Variants in CCDC180 observed in about 807,000 individuals in gnomAD.
CCDC180 encodes coiled-coil domain-containing protein 180.
In CCDC180, 154 loss-of-function variants were observed where a neutral mutation model predicts 209.2. The observed-to-expected ratio is 0.74, with a 90% CI of 0.65 to 0.84. The LOEUF is 0.84. CCDC180 is among the 40% of genes least tolerant of loss of function. The pLI, the probability that CCDC180 is intolerant of heterozygous loss-of-function variation, is 0.00. For synonymous variants in CCDC180, 778 were observed against 749.1 expected, an observed-to-expected ratio of 1.04 and a Z score of -0.63; for missense variants, 1,874 against 1,997.3, an observed-to-expected ratio of 0.94 and a Z score of 1.18.
chr9:97,314,954 GT>G lies in CCDC180; in HGVS notation c.795+12del. The G allele has an allele frequency of 6.2e-7, 1 of 1,610,652 alleles. No homozygotes were observed. The highest frequency in any genetic ancestry group is 8.5e-7 in the Non-Finnish European group (1 of 1,176,980). ...ATAAATGAAGAAGCCATGGTGAGTG[GT>G]TTTCCTGTGCAGGGATCAGCCCATG... is the stretch of plus-strand genomic sequence containing the variant. On this transcript the variant is annotated intron_variant, in intron 8 of 36. Transcript: ENST00000529487.
chr9:97,329,035 A>C (rs1825648658), intron 16 of CCDC180, among the ~76,000 whole-genome samples: 1 of 152,118 alleles, frequency 6.6e-6, no homozygotes, highest in South Asian at 2.1e-4. Flanking sequence ...CCTGAATGGA[A>C]ATACTCATGG....
At chr9:97,351,314 T>C (rs896701346) in intron 22 of CCDC180, among the ~76,000 whole-genome samples, 1 of 152,208 alleles carries the variant, frequency 6.6e-6, no homozygotes. Flanking sequence ...TCACCAACGC[T>C]TGTACTTTCT....
Position 97,308,086 on chromosome 9 carries a change from C to T in CCDC180, c.23C>T (p.Thr8Ile), listed in dbSNP as rs1277980227. The stretch of plus-strand genomic sequence containing the variant: ...AAGATGTCGTCAGTGGGGAAGGTGA[C>T]CCAGGTTCCGAATGGGAAAGCCTAC... MSSVGKV[T>I]QVPNGKAYQQ... Residue 8 changes from threonine (T) to isoleucine (I), a missense_variant, in exon 2 of 37, where the codon ACC becomes ATC. Physicochemically the swap from Thr to Ile is moderately conservative, Grantham distance 89. Coordinates refer to ENST00000529487, the MANE Select transcript of CCDC180 (RefSeq NM_020893.6). 2.5e-6 allele frequency: 4 copies of T among 1,613,064 alleles called. No homozygotes were observed. Among genetic ancestry groups the T allele is most frequent in the Admixed American group, 1.7e-5 (1 of 59,720 alleles).
At chr9:97,375,724 G>A in intron 36 of CCDC180, 135 bp downstream of exon 36, 2 of 1,038,760 alleles carry the variant, frequency 1.9e-6, no homozygotes, top group South Asian at 3.1e-5. Flanking sequence ...ACACCCCAGA[G>A]CTGCAGGTCT....
chr9:97,372,639 C>G (rs557197998), intron 34 of CCDC180: 1 of 152,294 alleles, frequency 6.6e-6, no homozygotes, highest in African/African-American at 2.4e-5. Flanking sequence ...GTGGGTGGAT[C>G]TCTTGAGCCC....
chr9:97,349,508 C>A (rs1035958089), intron 21 of CCDC180, among the ~76,000 whole-genome samples: 2 of 152,200 alleles, frequency 1.3e-5, no homozygotes, highest in Non-Finnish European at 2.9e-5. Context: ...AAAGTATATG[C>A]ACAGGCAGCA....
intron 18 of CCDC180, among the ~76,000 whole-genome samples, chr9:97,340,243 C>A (rs780759810): frequency 6.6e-6 from 1 of 152,090 alleles, no homozygotes; most frequent in Non-Finnish European, 1.5e-5. Flanking sequence ...AAGGGGCGCT[C>A]GGGTTTTTAG....
At chr9:97,345,602 G>A (rs10122063) in intron 19 of CCDC180, 213,269 of 415,640 alleles carry the variant, frequency 0.51, 57,760 homozygotes, top group African/African-American at 0.72. Context: ...TATATATTCT[G>A]TAGCCGGGCA....
At chr9:97,364,363 G>T in intron 29 of CCDC180, 1 of 482,256 alleles carries the variant, frequency 2.1e-6, no homozygotes, top group African/African-American at 2.0e-5. Context: ...AGCATTTCCT[G>T]GTGGTAGGGC....
At chr9:97,361,605 A>G in intron 26 of CCDC180, 121 bp from the exon 27 acceptor site, 1 of 871,640 alleles carries the variant, frequency 1.1e-6, no homozygotes, top group South Asian at 1.7e-5. Flanking sequence ...CAATGAGGTC[A>G]GCTAGCTTGC....
chr9:97,364,615 C>G (rs1554734036), intron 29 of CCDC180: 1 of 162,334 alleles, frequency 6.2e-6, no homozygotes, highest in Non-Finnish European at 1.3e-5. Flanking sequence ...GACAGCGGCC[C>G]CCTCTCATCA....
At chr9:97,323,040 C>A in intron 12 of CCDC180, 119 bp downstream of exon 12, 1 of 721,260 alleles carries the variant, frequency 1.4e-6, no homozygotes. Context: ...CACACCCACA[C>A]ACCCTTTAGC....
chr9:97,335,426 G>C (rs924087437), intron 18 of CCDC180, among the ~76,000 whole-genome samples: 6 of 152,100 alleles, frequency 3.9e-5, no homozygotes, highest in Non-Finnish European at 7.3e-5. Flanking sequence ...AGAACATACA[G>C]TGTTTGGTTT....
At chr9:97,357,494 A>T in intron 24 of CCDC180, 133 bp from the exon 25 acceptor site, 1 of 704,182 alleles carries the variant, frequency 1.4e-6, no homozygotes, top group Non-Finnish European at 2.5e-6. Context: ...ATGTCTGGTA[A>T]AACTGCATAT....
chr9:97,358,210 C>T (rs556231632), intron 25 of CCDC180, among the ~76,000 whole-genome samples: 2 of 151,716 alleles, frequency 1.3e-5, no homozygotes, highest in East Asian at 3.9e-4. Flanking sequence ...CAACCTCTGC[C>T]TCCGGGTTCA....
chr9:97,319,991 T>C lies in CCDC180; in HGVS notation c.1080-135T>C. ...CATGTCATGTTTTGGCACCAGGAAA[T>C]CCCCAGCAGTTCCCTTTGTTCTTCA... On this transcript the variant is annotated intron_variant, in intron 10 of 36. Coordinates refer to ENST00000529487, the MANE Select transcript of CCDC180 (RefSeq NM_020893.6). 4.2e-6 allele frequency: 3 copies of C among 711,480 alleles called. No homozygotes were observed. The Admixed American group carries it at 6.3e-5, about 15-fold the overall frequency. The allele number at this position is 711,480 out of a possible 1,614,324, so 44.1% of individuals were successfully genotyped here. A position where few individuals can be genotyped will look rare whatever the true frequency, so the allele number is the denominator to read the frequency against.
In CCDC180 at chr9:97,377,114, G is replaced by T. The variant is rs898870; in HGVS notation, c.*220G>T. 4.3e-3 allele frequency: 1,659 copies of T among 385,156 alleles called. 15 individuals are homozygous for T. Among genetic ancestry groups the T allele is most frequent in the Non-Finnish European group, 3.8e-3 (812 of 215,340 alleles). 23.9% of individuals were successfully genotyped at this position (385,156 alleles called of 1,614,324 possible). Reference sequence around the variant, plus strand: ...GGCAAGCATGAAAGGGGAATTCCACGTGGTTAGCAGGGAGGGTGAGTACCA... The same window carrying T: ...GGCAAGCATGAAAGGGGAATTCCACTTGGTTAGCAGGGAGGGTGAGTACCA... On this transcript the variant is annotated 3_prime_UTR_variant, in exon 37 of 37. Transcript: ENST00000529487.
At chr9:97,363,380 C>A (rs1020055737) in intron 28 of CCDC180, among the ~76,000 whole-genome samples, 1 of 152,196 alleles carries the variant, frequency 6.6e-6, no homozygotes, top group African/African-American at 2.4e-5. Context: ...AGGCTGACTT[C>A]CTGGGTGGCT....
At chr9:97,321,602 A>G (rs368545418) in intron 11 of CCDC180, among the ~76,000 whole-genome samples, 11 of 152,190 alleles carry the variant, frequency 7.2e-5, no homozygotes, top group African/African-American at 2.2e-4. Context: ...AATGGCTGCC[A>G]TTCATTCAGT....
Sources: allele counts gnomAD v4.1 joint callset (sites outside exome capture counted in the v4.1 genomes callset), GRCh38; gene constraint gnomAD v4.1.1; transcripts MANE v1.5; gene names NCBI Gene and HGNC (gene_info 2026-07-23, HGNC 2026-07-21).